The following CAMK1D variants were observed in gnomAD, a reference collection of about 807,000 sequenced individuals.
CAMK1D encodes calcium/calmodulin dependent protein kinase ID, also known as calcium/calmodulin-dependent protein kinase type 1D.
A neutral mutation model predicts 47.7 loss-of-function variants in CAMK1D; 9 were observed. The observed-to-expected ratio is 0.19, with a 90% CI of 0.11 to 0.33. The LOEUF (loss-of-function observed/expected upper bound fraction) is 0.33, where lower values mean the gene tolerates loss of function less well. Ranked by LOEUF, CAMK1D falls within the 10% of genes least tolerant of loss-of-function variation. CAMK1D has a pLI of 1.00. For missense variants in CAMK1D, 291 were observed against 488.7 expected, an observed-to-expected ratio of 0.60 and a Z score of 3.81; for synonymous variants, 184 against 184.9, an observed-to-expected ratio of 0.99 and a Z score of 0.04.
chr10:12,379,981 G>A (rs1588423795), intron 1 of CAMK1D, among the ~76,000 whole-genome samples: 1 of 151,910 alleles, frequency 6.6e-6, no homozygotes, highest in East Asian at 2.0e-4. Flanking sequence ...TTGGGAGGCC[G>A]AGGCGGGCGG....
chr10:12,367,730 C>T (rs912043400), intron 1 of CAMK1D, among the ~76,000 whole-genome samples: 2 of 152,038 alleles, frequency 1.3e-5, no homozygotes, highest in Admixed American at 6.6e-5. Context: ...GCTGACTGAA[C>T]GGGAGGTGGA....
At chr10:12,546,721 A>G (rs1242878660) in intron 1 of CAMK1D, among the ~76,000 whole-genome samples, 2 of 151,816 alleles carry the variant, frequency 1.3e-5, no homozygotes, top group Non-Finnish European at 2.9e-5. Flanking sequence ...CAGAAAACCA[A>G]ACACCGCATG....
chr10:12,606,360 T>C (rs1838462501), intron 2 of CAMK1D, among the ~76,000 whole-genome samples: 1 of 152,236 alleles, frequency 6.6e-6, no homozygotes, highest in Non-Finnish European at 1.5e-5. Flanking sequence ...TCCACTGTCC[T>C]GACCTGCCTA....
At chr10:12,516,827 A>G (rs7075237) in intron 1 of CAMK1D, among the ~76,000 whole-genome samples, 79,786 of 152,038 alleles carry the variant, frequency 0.52, 21,099 homozygotes, top group South Asian at 0.68. Flanking sequence ...CGTGTTTAAA[A>G]ACCACGTTGT....
At chr10:12,385,687 T>C (rs1364739160) in intron 1 of CAMK1D, among the ~76,000 whole-genome samples, 2 of 152,044 alleles carry the variant, frequency 1.3e-5, no homozygotes, top group Non-Finnish European at 2.9e-5. Context: ...TAAAATTGAT[T>C]GTGATGGTCA....
At chr10:12,750,950 C>G (rs1466407626) in intron 3 of CAMK1D, among the ~76,000 whole-genome samples, 2 of 152,174 alleles carry the variant, frequency 1.3e-5, no homozygotes, top group South Asian at 2.1e-4. Flanking sequence ...ACTCTGGATG[C>G]TGAGGCTGGA....
At chr10:12,527,659 A>G (rs1460015163) in intron 1 of CAMK1D, among the ~76,000 whole-genome samples, 1 of 152,172 alleles carries the variant, frequency 6.6e-6, no homozygotes, top group Non-Finnish European at 1.5e-5. Context: ...TACAGGCGTG[A>G]GCCACCGCGC....
intron 3 of CAMK1D, among the ~76,000 whole-genome samples, chr10:12,708,097 A>T (rs961203630): frequency 2.0e-5 from 3 of 152,190 alleles, no homozygotes; most frequent in Non-Finnish European, 4.4e-5. Context: ...GTCAGAATAC[A>T]TTTCTACAAC....
At chr10:12,731,301 T>C (rs984268063) in intron 3 of CAMK1D, among the ~76,000 whole-genome samples, 2 of 152,110 alleles carry the variant, frequency 1.3e-5, no homozygotes, top group Non-Finnish European at 2.9e-5. Flanking sequence ...ATGCTTCTGG[T>C]GGTGAAAGTC....
At chr10:12,444,304 G>C (rs1356023890) in intron 1 of CAMK1D, among the ~76,000 whole-genome samples, 1 of 152,262 alleles carries the variant, frequency 6.6e-6, no homozygotes, top group South Asian at 2.1e-4. Flanking sequence ...AGTTGCTCTG[G>C]TTCAAACGCC....
intron 3 of CAMK1D, among the ~76,000 whole-genome samples, chr10:12,740,444 A>C (rs554503482): frequency 3.7e-4 from 57 of 152,240 alleles, no homozygotes; most frequent in African/African-American, 1.2e-3. Context: ...ACTAAAAATA[A>C]AAAATCAGCC....
chr10:12,737,171 C>T (rs1835226569), intron 3 of CAMK1D, among the ~76,000 whole-genome samples: 1 of 152,106 alleles, frequency 6.6e-6, no homozygotes, highest in South Asian at 2.1e-4. Context: ...CAGCTACTGC[C>T]TCTGACCTCT....
At chr10:12,509,722 G>C (rs1834985001) in intron 1 of CAMK1D, among the ~76,000 whole-genome samples, 1 of 152,222 alleles carries the variant, frequency 6.6e-6, no homozygotes, top group African/African-American at 2.4e-5. Context: ...CTGCACTCCA[G>C]TCTAGGTGAC....
chr10:12,386,587 G>A (rs550122425), intron 1 of CAMK1D, among the ~76,000 whole-genome samples: 2 of 152,248 alleles, frequency 1.3e-5, no homozygotes, highest in East Asian at 1.9e-4. Flanking sequence ...ATTGAAGGAC[G>A]TGGGCAGACA....
intron 1 of CAMK1D, among the ~76,000 whole-genome samples, chr10:12,500,126 C>T (rs551929794): frequency 5.3e-5 from 8 of 152,102 alleles, no homozygotes; most frequent in Admixed American, 6.6e-5. Flanking sequence ...ATTAGCTGGG[C>T]GTAGTGGAGG....
chr10:12,598,783 G>A lies in CAMK1D; in HGVS notation c.224+45427G>A, dbSNP rs575949856. Among the ~76,000 whole-genome samples, 7 of 152,154 alleles carry A rather than the reference G, an allele frequency of 4.6e-5. No individual in the cohort carries two copies. In the South Asian group the frequency reaches 1.4e-3, roughly 32 times the overall value. The stretch of plus-strand genomic sequence containing the variant: ...GGTAGAAGCAAAATTAAACGAATAC[G>A]GGTCAACCTTTTAACGCGTATCTTG... On this transcript the variant is annotated intron_variant, in intron 2 of 10. Coordinates refer to ENST00000619168, the MANE Select transcript of CAMK1D (RefSeq NM_153498.4).
chr10:12,573,477 G>T (rs952709793), intron 2 of CAMK1D, among the ~76,000 whole-genome samples: 15 of 152,194 alleles, frequency 9.9e-5, no homozygotes, highest in African/African-American at 3.4e-4. Context: ...AGATATTTCA[G>T]GTGGACCAAA....
intron 1 of CAMK1D, among the ~76,000 whole-genome samples, chr10:12,495,971 G>T (rs1165876109): frequency 6.6e-6 from 1 of 152,050 alleles, no homozygotes; most frequent in African/African-American, 2.4e-5. Flanking sequence ...GGGGCTACTT[G>T]TGTGCGCCAC....
chr10:12,789,953 T>C (rs1405991234), intron 5 of CAMK1D, among the ~76,000 whole-genome samples: 1 of 152,262 alleles, frequency 6.6e-6, no homozygotes, highest in East Asian at 1.9e-4. Flanking sequence ...CACTTTGCAC[T>C]AACATATAGT....
Sources: allele counts gnomAD v4.1 joint callset (sites outside exome capture counted in the v4.1 genomes callset), GRCh38; gene constraint gnomAD v4.1.1; transcripts MANE v1.5; gene names NCBI Gene and HGNC (gene_info 2026-07-23, HGNC 2026-07-21).